Variants in TNRC6B observed in about 807,000 individuals in gnomAD.
The protein encoded by TNRC6B is trinucleotide repeat-containing gene 6B protein.
A neutral mutation model predicts 203.6 loss-of-function variants in TNRC6B; 52 were observed. That is an observed-to-expected ratio of 0.26 (90% CI 0.20 to 0.32). TNRC6B has a LOEUF of 0.32. Among genes scored for constraint, TNRC6B ranks in the 10% least tolerant of loss-of-function variants. The pLI is 1.00. For synonymous variants in TNRC6B, 838 were observed against 845.7 expected, an observed-to-expected ratio of 0.99 and a Z score of 0.16; for missense variants, 1,923 against 2,286.2, an observed-to-expected ratio of 0.84 and a Z score of 3.24.
chr22:40,266,143 A>C lies in TNRC6B; in HGVS notation c.1913A>C (p.Glu638Ala). 1.2e-6 allele frequency: 2 copies of C among 1,613,958 alleles called. No homozygotes were observed. The highest frequency in any genetic ancestry group is 1.7e-6 in the Non-Finnish European group (2 of 1,179,892). Reference sequence around the variant, plus strand: ...CAGGACACAGTGTGGGACATTGAAGAGGTGCCAAGGCCTGAGGGGAAATCT... The same window carrying C: ...CAGGACACAGTGTGGGACATTGAAGCGGTGCCAAGGCCTGAGGGGAAATCT... Reference protein sequence around the residue: ...IKQDTVWDIEEVPRPEGKSDK... With the variant: ...IKQDTVWDIEAVPRPEGKSDK... The change falls in exon 5 of 23, where the codon GAG (glutamate) becomes GCG (alanine). Residue 638 changes from glutamate to alanine, a missense_variant. By Grantham distance (107) the Glu-to-Ala change is moderately radical. Coordinates refer to ENST00000454349, the MANE Select transcript of TNRC6B (RefSeq NM_001162501.2).
intron 3 of TNRC6B, among the ~76,000 whole-genome samples, chr22:40,138,763 G>T (rs1272177742): frequency 1.3e-5 from 2 of 152,094 alleles, no homozygotes; most frequent in Non-Finnish European, 2.9e-5. Context: ...ACTGTAGGAA[G>T]TATTTCAGAC....
In TNRC6B at chr22:40,265,717, G is replaced by T; in HGVS notation, c.1487G>T (p.Trp496Leu). 1.9e-6 allele frequency: 3 copies of T among 1,613,998 alleles called. No homozygotes were observed. The highest frequency in any genetic ancestry group is 2.5e-6 in the Non-Finnish European group (3 of 1,179,896). Residue 496 changes from tryptophan to leucine, a missense_variant, in exon 5 of 23, where the codon TGG (tryptophan) becomes TTG (leucine). Trp to Leu is a moderately conservative substitution (Grantham distance 61, BLOSUM62 -2). Around this residue, in one of 8 missense-constraint regions of TNRC6B, gnomAD observed 614 missense variants for 587.7 expected, o/e 1.04. Transcript: ENST00000454349. ...FGPQDSNDNK[W>L]GEGNKMTSGV... ...CCCCAGGACTCTAATGACAACAAAT[G>T]GGGTGAAGGGAACAAAATGACATCT...
intron 4 of TNRC6B, among the ~76,000 whole-genome samples, chr22:40,263,534 A>C (rs930091890): frequency 2.6e-5 from 4 of 152,212 alleles, no homozygotes; most frequent in African/African-American, 9.7e-5. Flanking sequence ...GGAGGCCCCT[A>C]AATCTCGAGT....
intron 3 of TNRC6B, among the ~76,000 whole-genome samples, chr22:40,139,409 G>A (rs148999142): frequency 6.8e-6 from 1 of 147,566 alleles, no homozygotes; most frequent in African/African-American, 2.5e-5. Flanking sequence ...CTGGCTAACT[G>A]CAGCATCTGC....
At chr22:40,120,368 G>C (rs2068433083) in intron 2 of TNRC6B, among the ~76,000 whole-genome samples, 1 of 151,604 alleles carries the variant, frequency 6.6e-6, no homozygotes, top group African/African-American at 2.4e-5. Flanking sequence ...ATAGATATTA[G>C]AAGGGTAGAG....
At chr22:40,060,989 A>G (rs1026814281) in intron 1 of TNRC6B, among the ~76,000 whole-genome samples, 8 of 152,210 alleles carry the variant, frequency 5.3e-5, no homozygotes, top group African/African-American at 1.7e-4. Flanking sequence ...GGTGGAAACA[A>G]TCCTGAAATT....
intron 1 of TNRC6B, among the ~76,000 whole-genome samples, chr22:40,179,893 T>C (rs1051152168): frequency 6.6e-6 from 1 of 152,214 alleles, no homozygotes; most frequent in African/African-American, 2.4e-5. Flanking sequence ...ATACATAAGA[T>C]AATTAAAGCC....
At position 40,265,718 on chromosome 22, in the gene TNRC6B, G is replaced by C; in HGVS notation, c.1488G>C (p.Trp496Cys). The change falls in exon 5 of 23, where the codon TGG becomes TGC. Residue 496 changes from tryptophan (W) to cysteine (C), a missense_variant. Trp to Cys is a radical substitution (Grantham distance 215). Around this residue, in one of 8 missense-constraint regions of TNRC6B, gnomAD observed 614 missense variants for 587.7 expected, o/e 1.04. Transcript: ENST00000454349. ...FGPQDSNDNK[W>C]GEGNKMTSGV... is the part of the protein sequence containing the mutation. The stretch of plus-strand genomic sequence containing the variant: ...CCCAGGACTCTAATGACAACAAATG[G>C]GGTGAAGGGAACAAAATGACATCTG... 6.2e-7 allele frequency: 1 copy of C among 1,613,986 alleles called. No homozygotes were observed. The highest frequency in any genetic ancestry group is 8.5e-7 in the Non-Finnish European group (1 of 1,179,892).
At chr22:40,095,055 G>A (rs983195995) in intron 1 of TNRC6B, among the ~76,000 whole-genome samples, 4 of 152,036 alleles carry the variant, frequency 2.6e-5, no homozygotes, top group African/African-American at 4.8e-5. Flanking sequence ...GAGTGTTGTC[G>A]TTTCATGAGG....
At chr22:40,061,256 T>G (rs1028317418) in intron 1 of TNRC6B, among the ~76,000 whole-genome samples, 9 of 152,252 alleles carry the variant, frequency 5.9e-5, no homozygotes, top group Admixed American at 5.9e-4. Flanking sequence ...CTCTTGTTGC[T>G]CGGGCTGGAG....
intron 2 of TNRC6B, among the ~76,000 whole-genome samples, chr22:40,124,325 T>C (rs1352878153): frequency 6.7e-6 from 1 of 150,180 alleles, no homozygotes; most frequent in Non-Finnish European, 1.5e-5. Context: ...TTTTACCTTT[T>C]TTTTTTTTTT....
intron 9 of TNRC6B, among the ~76,000 whole-genome samples, chr22:40,278,499 A>G (rs2070682149): frequency 6.7e-6 from 1 of 150,056 alleles, no homozygotes. Flanking sequence ...CAGAGGTTGC[A>G]CTGAGCCGAG....
chr22:40,177,038 C>T (rs1448567116), upstream of TNRC6B, among the ~76,000 whole-genome samples: 6 of 152,136 alleles, frequency 3.9e-5, no homozygotes. Context: ...TGAAGTTACA[C>T]GGCCTGTGAG....
At chr22:40,216,830 A>G (rs1183913857) in intron 1 of TNRC6B, among the ~76,000 whole-genome samples, 1 of 152,174 alleles carries the variant, frequency 6.6e-6, no homozygotes, top group Non-Finnish European at 1.5e-5. Context: ...TTGAAAACGT[A>G]CATACTCAGT....
At chr22:40,053,600 C>T (rs2067769146) in intron 1 of TNRC6B, among the ~76,000 whole-genome samples, 2 of 152,184 alleles carry the variant, frequency 1.3e-5, no homozygotes, top group Admixed American at 1.3e-4. Flanking sequence ...TATCATGTTT[C>T]TTAATCTGTC....
At chr22:40,168,568 A>T (rs1461055675) in intron 4 of TNRC6B, among the ~76,000 whole-genome samples, 1 of 152,218 alleles carries the variant, frequency 6.6e-6, no homozygotes, top group Non-Finnish European at 1.5e-5. Context: ...AAATAGTATA[A>T]ATGTTAACAT....
chr22:40,147,412 A>G (rs761201789), intron 3 of TNRC6B, among the ~76,000 whole-genome samples: 2 of 152,238 alleles, frequency 1.3e-5, no homozygotes, highest in Non-Finnish European at 2.9e-5. Context: ...TTATGCTGCT[A>G]TAACAAAATA....
upstream of TNRC6B, among the ~76,000 whole-genome samples, chr22:40,176,347 G>C (rs533033096): frequency 6.6e-6 from 1 of 151,932 alleles, no homozygotes; most frequent in East Asian, 1.9e-4. Flanking sequence ...GGCTGGTCTC[G>C]AACTCCCGAC....
intron 1 of TNRC6B, among the ~76,000 whole-genome samples, chr22:40,102,415 G>T (rs1388066538): frequency 6.6e-6 from 1 of 152,148 alleles, no homozygotes; most frequent in Non-Finnish European, 1.5e-5. Flanking sequence ...GGGTTTTTAA[G>T]ATATTTAGTA....
Sources: gnomAD v4.1 joint callset for allele counts (sites outside exome capture counted in the v4.1 genomes callset) on GRCh38, gnomAD v4.1.1 for gene constraint, gnomAD v4.1.1 regional missense constraint, MANE v1.5 for transcripts, NCBI Gene and HGNC (gene_info 2026-07-23, HGNC 2026-07-21) for gene names.